Variants in TTC29 observed in about 807,000 individuals in gnomAD.
The protein encoded by TTC29 is tetratricopeptide repeat domain 29.
In TTC29, 49 loss-of-function variants were observed where a neutral mutation model predicts 58.1. The ratio of observed to expected loss-of-function variants is 0.84; its 90% confidence interval spans 0.67 to 1.07. The LOEUF (loss-of-function observed/expected upper bound fraction) is 1.07, where lower values mean the gene tolerates loss of function less well. TTC29 is among the 50% of genes least tolerant of loss of function. TTC29 has a pLI of 0.00. For missense variants in TTC29, 582 were observed against 555.6 expected (o/e 1.05, Z -0.48); for synonymous variants, 209 against 196.8 (o/e 1.06, Z -0.52).
chr4:146,940,553 C>T (rs1343061226), intron 2 of TTC29, among the ~76,000 whole-genome samples: 2 of 152,178 alleles, frequency 1.3e-5, no homozygotes, highest in Non-Finnish European at 1.5e-5. Context: ...ATTTTTTCTC[C>T]TCCATGATGA....
At chr4:146,904,338 C>T (rs900955677) in intron 5 of TTC29, among the ~76,000 whole-genome samples, 6 of 152,096 alleles carry the variant, frequency 3.9e-5, no homozygotes, top group African/African-American at 7.2e-5. Context: ...TAGACTTCTA[C>T]GCTTCTGTTT....
In TTC29 at chr4:146,824,550, G is replaced by A. The variant is rs566936185; in HGVS notation, c.978-4302C>T. ...ACATTGATGTTCATCGGGGATATTG[G>A]CCTGAAATTTTCTTTTTTTTTGTGG... On this transcript the variant is annotated intron_variant, in intron 9 of 12. Coordinates refer to ENST00000325106, the MANE Select transcript of TTC29 (RefSeq NM_031956.4). Among the ~76,000 whole-genome samples the A allele has an allele frequency of 3.9e-5, 5 of 127,682 alleles. No homozygotes were observed. In the East Asian group the frequency reaches 1.2e-3, roughly 32 times the overall value. 83.8% of individuals were successfully genotyped at this position (127,682 alleles called of 152,430 possible). A position where few individuals can be genotyped will look rare whatever the true frequency, so the allele number is the denominator to read the frequency against.
chr4:146,897,521 C>T (rs905461717), intron 6 of TTC29, among the ~76,000 whole-genome samples: 2 of 152,186 alleles, frequency 1.3e-5, no homozygotes, highest in Non-Finnish European at 2.9e-5. Context: ...TGGTCCCTCT[C>T]CCGCTCCCTG....
At chr4:146,769,283 A>G (rs1322739921) in intron 11 of TTC29, among the ~76,000 whole-genome samples, 3 of 151,992 alleles carry the variant, frequency 2.0e-5, no homozygotes, top group Non-Finnish European at 4.4e-5. Flanking sequence ...CTTTCCTTTT[A>G]GACAAACACT....
chr4:146,766,398 T>G (rs1747324417), intron 11 of TTC29, among the ~76,000 whole-genome samples: 1 of 152,078 alleles, frequency 6.6e-6, no homozygotes, highest in South Asian at 2.1e-4. Flanking sequence ...TCTACACCAA[T>G]TGGTACTCTC....
intron 4 of TTC29, among the ~76,000 whole-genome samples, chr4:146,937,044 A>C (rs933087636): frequency 1.3e-5 from 2 of 151,990 alleles, no homozygotes; most frequent in African/African-American, 2.4e-5. Context: ...TACTGCTTTT[A>C]TTCATCCCAT....
At chr4:146,752,142 T>C (rs565782413) in intron 11 of TTC29, among the ~76,000 whole-genome samples, 1 of 151,900 alleles carries the variant, frequency 6.6e-6, no homozygotes, top group East Asian at 1.9e-4. Context: ...TGTTTGCAGA[T>C]GACATGATTG....
In TTC29 at chr4:146,818,078, C is replaced by G. The variant is rs191230131; in HGVS notation, c.1101+2047G>C. Reference sequence around the variant, plus strand: ...CAATGGCAACAAAAGCCAAAATTGACAAATGGGATCTAATTAAACTAAAGA... The same window carrying G: ...CAATGGCAACAAAAGCCAAAATTGAGAAATGGGATCTAATTAAACTAAAGA... On this transcript the variant is annotated intron_variant, in intron 10 of 12. Transcript: ENST00000325106. Among the ~76,000 whole-genome samples the G allele has an allele frequency of 1.1e-3, 168 of 152,230 alleles. 1 individual carries two copies. The highest frequency in any genetic ancestry group is 1.1e-3 in the Non-Finnish European group (73 of 68,014).
intron 11 of TTC29, among the ~76,000 whole-genome samples, chr4:146,726,838 C>T (rs1462967435): frequency 6.6e-6 from 1 of 151,756 alleles, no homozygotes; most frequent in Non-Finnish European, 1.5e-5. Context: ...AAATAATAGG[C>T]CCTAAGAATT....
At chr4:146,809,795 A>G (rs555694663) in intron 10 of TTC29, among the ~76,000 whole-genome samples, 1 of 150,136 alleles carries the variant, frequency 6.7e-6, no homozygotes, top group South Asian at 2.1e-4. Flanking sequence ...GAGAAATAGA[A>G]ACGTTTTTAT....
At chr4:146,767,388 T>C (rs1747406740) in intron 11 of TTC29, among the ~76,000 whole-genome samples, 1 of 152,012 alleles carries the variant, frequency 6.6e-6, no homozygotes, top group African/African-American at 2.4e-5. Flanking sequence ...CCTTAGATCT[T>C]TCCCTACCTT....
intron 11 of TTC29, among the ~76,000 whole-genome samples, chr4:146,716,358 T>C (rs1742927974): frequency 6.6e-6 from 1 of 152,180 alleles, no homozygotes; most frequent in African/African-American, 2.4e-5. Flanking sequence ...ATACAAGCTC[T>C]GTATTCATGT....
intron 4 of TTC29, among the ~76,000 whole-genome samples, chr4:146,923,328 C>T (rs1000632301): frequency 1.3e-5 from 2 of 151,606 alleles, no homozygotes; most frequent in Non-Finnish European, 1.5e-5. Context: ...AAATCACACA[C>T]GCGCGTGCAC....
intron 11 of TTC29, among the ~76,000 whole-genome samples, chr4:146,708,392 A>G (rs1352862196): frequency 3.4e-5 from 5 of 145,880 alleles, no homozygotes; most frequent in African/African-American, 1.3e-4. Context: ...AAATACATAT[A>G]TAAACATATA....
intron 9 of TTC29, among the ~76,000 whole-genome samples, chr4:146,827,999 T>C (rs1579773454): frequency 1.3e-5 from 2 of 152,288 alleles, no homozygotes; most frequent in African/African-American, 4.8e-5. Flanking sequence ...TCAGGTACTA[T>C]CAAATACATT....
chr4:146,795,788 T>C (rs1157093167), intron 11 of TTC29, among the ~76,000 whole-genome samples: 3 of 152,148 alleles, frequency 2.0e-5, no homozygotes, highest in South Asian at 2.1e-4. Flanking sequence ...AAGAAAGCCT[T>C]ACCAAAAAAG....
intron 4 of TTC29, among the ~76,000 whole-genome samples, chr4:146,926,141 A>G (rs1273536728): frequency 6.6e-6 from 1 of 152,220 alleles, no homozygotes; most frequent in Non-Finnish European, 1.5e-5. Flanking sequence ...AATATTTATG[A>G]CAAGCTCTCT....
rs1395915248 is a variant in TTC29 at position 146,862,110 on chromosome 4, T to C, written c.885+5388A>G. The stretch of plus-strand genomic sequence containing the variant: ...GGTGAAGACAATGTTGGTAACACTA[T>C]GCAAGGTGGGAAAGTAGAATAAAAG... On this transcript the variant is annotated intron_variant, in intron 8 of 12. Transcript: ENST00000325106. Among the ~76,000 whole-genome samples, 4 of 152,080 alleles carry C rather than the reference T, an allele frequency of 2.6e-5. No homozygotes were observed. The East Asian group carries it at 5.8e-4, about 22-fold the overall frequency.
intron 6 of TTC29, among the ~76,000 whole-genome samples, chr4:146,886,844 C>T (rs1484735318): frequency 6.6e-6 from 1 of 152,044 alleles, no homozygotes; most frequent in Admixed American, 6.6e-5. Context: ...TCCATCCCGG[C>T]TCTGACATGT....
Sources: allele counts gnomAD v4.1 joint callset (sites outside exome capture counted in the v4.1 genomes callset), GRCh38; gene constraint gnomAD v4.1.1; transcripts MANE v1.5; gene names NCBI Gene and HGNC (gene_info 2026-07-23, HGNC 2026-07-21).